Variants in ZFYVE27 observed in about 807,000 individuals in gnomAD.
ZFYVE27 encodes zinc finger FYVE-type containing 27, also known as protrudin.
Under a neutral mutation model 52.8 loss-of-function variants are expected in ZFYVE27, and 36 were observed. That is an observed-to-expected ratio of 0.68 (90% CI 0.52 to 0.90). The LOEUF (loss-of-function observed/expected upper bound fraction) is 0.90, where lower values mean the gene tolerates loss of function less well. Among genes scored for constraint, ZFYVE27 ranks in the 40% least tolerant of loss-of-function variants. The probability of loss-of-function intolerance (pLI) is 0.00; values close to 1 mark genes in which losing one functional copy is unlikely to be tolerated. For synonymous variants in ZFYVE27, 223 were observed against 215.6 expected (o/e 1.03, Z -0.30); for missense variants, 450 against 527.2 (o/e 0.85, Z 1.43).
intron 5 of ZFYVE27, among the ~76,000 whole-genome samples, chr10:97,748,776 A>G (rs999331287): frequency 3.9e-5 from 6 of 152,202 alleles, no homozygotes; most frequent in Non-Finnish European, 8.8e-5. Context: ...TATTTATAAT[A>G]CCAGATTAAT....
Position 97,759,400 on chromosome 10 carries a change from T to C in ZFYVE27, c.*100T>C. The stretch of plus-strand genomic sequence containing the variant: ...CCCACTGTGGTGTGTGCTGGGCAAA[T>C]GTGGCCTGAATGCTAGGTAGGCTTC... On this transcript the variant is annotated 3_prime_UTR_variant, in exon 13 of 13. Transcript: ENST00000684270. 7.7e-7 allele frequency: 1 copy of C among 1,290,588 alleles called. No homozygotes were observed. The highest frequency in any genetic ancestry group is 2.3e-5 in the East Asian group (1 of 42,956). The allele number at this position is 1,290,588 out of a possible 1,614,324, so 79.9% of individuals were successfully genotyped here. A position where few individuals can be genotyped will look rare whatever the true frequency, so the allele number is the denominator to read the frequency against.
intron 12 of ZFYVE27, among the ~76,000 whole-genome samples, chr10:97,758,497 A>G (rs879421783): frequency 6.6e-6 from 1 of 151,162 alleles, no homozygotes; most frequent in Non-Finnish European, 1.5e-5. Flanking sequence ...CTAATTTTGT[A>G]TTTTAGTAGA....
intron 4 of ZFYVE27, 133 bp from the exon 5 acceptor site, chr10:97,748,136 C>T (rs1022116963): frequency 1.2e-6 from 1 of 853,450 alleles, no homozygotes; most frequent in Non-Finnish European, 1.9e-6. Flanking sequence ...TCTCTCGACT[C>T]CTCTCTCTTT....
chr10:97,748,054 C>G (rs934735945), intron 4 of ZFYVE27, among the ~76,000 whole-genome samples: 1 of 152,180 alleles, frequency 6.6e-6, no homozygotes, highest in Non-Finnish European at 1.5e-5. Context: ...CTGTTTCCAC[C>G]TCAGCAAGAG....
chr10:97,744,620 C>T (rs1359472805), intron 3 of ZFYVE27, 109 bp from the exon 4 acceptor site: 1 of 1,343,802 alleles, frequency 7.4e-7, no homozygotes, highest in African/African-American at 1.4e-5. Context: ...CAGGGAAGGC[C>T]TGACTGGCAG....
At chr10:97,742,924 C>T (rs534656321) in intron 2 of ZFYVE27, among the ~76,000 whole-genome samples, 170 bp from the exon 3 acceptor site, 39 of 152,334 alleles carry the variant, frequency 2.6e-4, no homozygotes, top group African/African-American at 8.9e-4. Flanking sequence ...TGACATCTTA[C>T]CGCCTCTCCT....
At chr10:97,749,682 T>TG in intron 6 of ZFYVE27, 96 bp downstream of exon 6, 1 of 1,022,766 alleles carries the variant, frequency 9.8e-7, no homozygotes, top group Non-Finnish European at 1.5e-6. Context: ...AATCATCAGT[T>TG]TGCTGTGCTT....
chr10:97,743,307 A>G (rs2136007136), intron 3 of ZFYVE27, 143 bp downstream of exon 3: 2 of 1,012,574 alleles, frequency 2.0e-6, no homozygotes, highest in East Asian at 4.9e-5. Flanking sequence ...AGTCAGAAAC[A>G]GCCTCCAGAG....
At chr10:97,741,977 A>G (rs2043784430) in intron 2 of ZFYVE27, among the ~76,000 whole-genome samples, 1 of 151,932 alleles carries the variant, frequency 6.6e-6, no homozygotes, top group Non-Finnish European at 1.5e-5. Flanking sequence ...TACTGAAAAC[A>G]CAAAAACTGG....
In ZFYVE27 at chr10:97,760,505, G is replaced by A. The variant is rs2049308146; in HGVS notation, c.*1205G>A. 6.6e-6 allele frequency: 1 copy of A among 152,338 alleles called. No homozygotes were observed. Among genetic ancestry groups the A allele is most frequent in the African/African-American group, 2.4e-5 (1 of 41,436 alleles). 9.4% of individuals were successfully genotyped at this position (152,338 alleles called of 1,614,324 possible). A position where few individuals can be genotyped will look rare whatever the true frequency, so the allele number is the denominator to read the frequency against. ...TGGGAACATGTGGCACAAGTAATGG[G>A]ATGAGGAGGAATTGGGGGTGGGGGT... On this transcript the variant is annotated 3_prime_UTR_variant, in exon 13 of 13. Coordinates refer to ENST00000684270, the MANE Select transcript of ZFYVE27 (RefSeq NM_001385875.1).
chr10:97,759,178 G>A, intron 12 of ZFYVE27, 58 bp from the exon 13 acceptor site: 1 of 1,593,320 alleles, frequency 6.3e-7, no homozygotes, highest in Non-Finnish European at 8.6e-7. Context: ...TCTAGTAGTT[G>A]GGGCCATGAA....
Position 97,744,638 on chromosome 10 carries a change from GA to G in ZFYVE27, c.269-90del, listed in dbSNP as rs2044675002. 10 of 1,480,666 alleles carry G rather than the reference GA, an allele frequency of 6.8e-6. No individual in the cohort carries two copies. The South Asian group carries it at 1.1e-4, about 16-fold the overall frequency. 91.7% of individuals were successfully genotyped at this position (1,480,666 alleles called of 1,614,324 possible). ...GGAAGGCCTGACTGGCAGAGCCCTG[GA>G]GGAGGTGAGGAACAAGCAGTGGGCG... is the stretch of plus-strand genomic sequence containing the variant. On this transcript the variant is annotated intron_variant, in intron 3 of 12. Transcript: ENST00000684270.
chr10:97,749,067 C>T (rs528537353), intron 5 of ZFYVE27, among the ~76,000 whole-genome samples: 11 of 152,288 alleles, frequency 7.2e-5, no homozygotes, highest in Non-Finnish European at 1.5e-4. Context: ...TATAGTAACT[C>T]TATTAGGTAG....
intron 11 of ZFYVE27, 105 bp downstream of exon 11, chr10:97,757,416 G>A: frequency 6.5e-7 from 1 of 1,543,356 alleles, no homozygotes; most frequent in Non-Finnish European, 8.9e-7. Flanking sequence ...GGGTCACATT[G>A]GGCCTGGCAG....
intron 10 of ZFYVE27, 131 bp from the exon 11 acceptor site, chr10:97,757,134 T>G (rs879213595): frequency 9.3e-5 from 121 of 1,294,738 alleles, no homozygotes; most frequent in Middle Eastern, 9.3e-4. Flanking sequence ...CTGGCCTTGC[T>G]CCCTGGCTCA....
intron 5 of ZFYVE27, 37 bp from the exon 6 acceptor site, chr10:97,749,437 C>G (rs369011564): frequency 3.2e-6 from 5 of 1,551,282 alleles, no homozygotes; most frequent in East Asian, 2.2e-5. Context: ...TCTGCTGTTA[C>G]GAATTTCTGA....
chr10:97,759,135 G>T (rs2049136073), intron 12 of ZFYVE27, 101 bp from the exon 13 acceptor site: 3 of 1,250,588 alleles, frequency 2.4e-6, no homozygotes, highest in Non-Finnish European at 3.5e-6. Context: ...TGGGCTGGGT[G>T]GGGGGTCTGT....
chr10:97,745,523 T>C (rs2045041094), intron 4 of ZFYVE27, among the ~76,000 whole-genome samples: 1 of 152,208 alleles, frequency 6.6e-6, no homozygotes, highest in Non-Finnish European at 1.5e-5. Flanking sequence ...TGACTAAGCA[T>C]GTGCATGTAT....
In ZFYVE27 at chr10:97,750,517, C is replaced by T. The variant is rs1459316087; in HGVS notation, c.804+47C>T. ...GAGCCTGCTGTGGCCGCTTGTGGGC[C>T]CCCCTGTTATCAGCTTGTTTTTGGC... On this transcript the variant is annotated intron_variant, in intron 7 of 12. Coordinates refer to ENST00000684270, the MANE Select transcript of ZFYVE27 (RefSeq NM_001385875.1). 3.7e-6 allele frequency: 6 copies of T among 1,610,714 alleles called. No individual in the cohort carries two copies. In the East Asian group the frequency reaches 1.1e-4, roughly 30 times the overall value.
Sources: gnomAD v4.1 joint callset for allele counts (sites outside exome capture counted in the v4.1 genomes callset) on GRCh38, gnomAD v4.1.1 for gene constraint, MANE v1.5 for transcripts, NCBI Gene and HGNC (gene_info 2026-07-23, HGNC 2026-07-21) for gene names.